CSGALNACT2: variants seen among roughly 807,000 people sequenced by gnomAD.
The protein encoded by CSGALNACT2 is beta 4 GalNAcT-2.
In CSGALNACT2, 35 loss-of-function variants were observed where a neutral mutation model predicts 55.3. The ratio of observed to expected loss-of-function variants is 0.63; its 90% CI spans 0.48 to 0.84. The LOEUF (loss-of-function observed/expected upper bound fraction) is 0.84. Ranked by LOEUF, CSGALNACT2 falls within the 40% of genes least tolerant of loss-of-function variation. The probability of loss-of-function intolerance (pLI) is 0.00; values close to 1 mark genes in which losing one functional copy is unlikely to be tolerated. For missense variants in CSGALNACT2, 544 were observed against 657.5 expected (o/e 0.83, Z 1.89); for synonymous variants, 196 against 224.9 (o/e 0.87, Z 1.15).
intron 3 of CSGALNACT2, among the ~76,000 whole-genome samples, 163 bp downstream of exon 3, chr10:43,159,094 GT>G (rs1390082848): frequency 2.0e-5 from 3 of 152,040 alleles, no homozygotes; most frequent in Non-Finnish European, 2.9e-5. Flanking sequence ...TAAAGCATGT[GT>G]AGTATATTGT....
In CSGALNACT2 at chr10:43,155,773, A is replaced by G. The variant is rs755803586; in HGVS notation, c.624A>G (p.Gly208=). The change falls in exon 2 of 8, where the codon GGA becomes GGG. Residue 208 remains glycine, a synonymous_variant. Coordinates refer to ENST00000374466, the MANE Select transcript of CSGALNACT2 (RefSeq NM_018590.5). The stretch of plus-strand genomic sequence containing the variant: ...AAGAAGATGAGGAGGGTCCCCTTGG[A>G]GAGAAACTGATATTTAATGAAAATG... ...DEQEDEEGPL[G]EKLIFNENDF... The G allele has an allele frequency of 1.2e-6, 2 of 1,611,374 alleles. No individual in the cohort carries two copies. Among genetic ancestry groups the G allele is most frequent in the Non-Finnish European group, 1.7e-6 (2 of 1,178,986 alleles).
intron 1 of CSGALNACT2, among the ~76,000 whole-genome samples, chr10:43,141,212 C>G (rs1838613186): frequency 6.6e-6 from 1 of 151,930 alleles, no homozygotes; most frequent in African/African-American, 2.4e-5. Context: ...GACCCTGTCT[C>G]TACAAATAAT....
Position 43,163,847 on chromosome 10 carries a change from G to A in CSGALNACT2, c.981-19G>A, listed in dbSNP as rs1184481822. 6.3e-7 allele frequency: 1 copy of A among 1,599,998 alleles called. No homozygotes were observed. The highest frequency in any genetic ancestry group is 1.1e-5 in the South Asian group (1 of 89,628). The stretch of plus-strand genomic sequence containing the variant: ...CTTTAAGTGGGACTTATCATTTGTT[G>A]TGTGTGCTTTCCTCATAGTGAGTCT... On this transcript the variant is annotated intron_variant, in intron 4 of 7. Transcript: ENST00000374466.
Position 43,158,803 on chromosome 10 carries a change from C to G in CSGALNACT2, c.750C>G (p.Leu250=), listed in dbSNP as rs755304072. Residue 250 remains leucine (L), a synonymous_variant, in exon 3 of 8, where the codon CTC becomes CTG. Coordinates refer to ENST00000374466, the MANE Select transcript of CSGALNACT2 (RefSeq NM_018590.5). ...ADLTEYRHVT[L]FRPFGPLMKV... is the part of the protein sequence containing the mutation. ...TTACGGAATATAGACATGTGACCCT[C>G]TTCCGCCCTTTTGGACCTCTCATGA... is the stretch of plus-strand genomic sequence containing the variant. 1.2e-6 allele frequency: 2 copies of G among 1,611,400 alleles called. No individual in the cohort carries two copies. Among genetic ancestry groups the G allele is most frequent in the Non-Finnish European group, 1.7e-6 (2 of 1,177,722 alleles).
At chr10:43,148,498 A>G (rs1413379734) in intron 1 of CSGALNACT2, among the ~76,000 whole-genome samples, 2 of 152,210 alleles carry the variant, frequency 1.3e-5, no homozygotes, top group Non-Finnish European at 2.9e-5. Flanking sequence ...CATTTTAGCA[A>G]TATTAAGCCT....
rs138077386 is a variant in CSGALNACT2 at position 43,183,538 on chromosome 10, G to A, written c.1625G>A (p.Gly542Asp). The A allele has an allele frequency of 1.8e-5, 29 of 1,613,024 alleles. 1 individual carries two copies. In the African/African-American group the frequency reaches 3.1e-4, roughly 17 times the overall value. Reference sequence around the variant, plus strand: ...TACAGGACAAACAGTGAAGCTGTTGGTTGAAATCATAATTAATGCGTTACT... The same window carrying A: ...TACAGGACAAACAGTGAAGCTGTTGATTGAAATCATAATTAATGCGTTACT... ...QAYRTNSEAVG is the reference protein window; with the variant it reads ...QAYRTNSEAVD Residue 542 changes from glycine to aspartate, a missense_variant, in exon 8 of 8, where the codon GGT (glycine) becomes GAT (aspartate). Around this residue, in one of 2 missense-constraint regions of CSGALNACT2, gnomAD observed 170 missense variants for 256.2 expected, o/e 0.66. Transcript: ENST00000374466.
chr10:43,163,375 A>C (rs1564516113), intron 4 of CSGALNACT2: 2 of 630,720 alleles, frequency 3.2e-6, no homozygotes, highest in East Asian at 2.8e-4. Context: ...GTCTAGCAAT[A>C]TGAAGGAAAA....
At chr10:43,153,110 G>A (rs1489121525) in intron 1 of CSGALNACT2, among the ~76,000 whole-genome samples, 1 of 151,966 alleles carries the variant, frequency 6.6e-6, no homozygotes, top group Non-Finnish European at 1.5e-5. Context: ...AGCACTTTGG[G>A]AGGCCGAGGC....
chr10:43,165,982 T>A (rs1839257520), intron 5 of CSGALNACT2, among the ~76,000 whole-genome samples: 1 of 152,112 alleles, frequency 6.6e-6, no homozygotes, highest in African/African-American at 2.4e-5. Flanking sequence ...AAAATAAAAA[T>A]AAAAATGTTT....
chr10:43,163,467 A>G, intron 4 of CSGALNACT2: 6 of 964,620 alleles, frequency 6.2e-6, no homozygotes, highest in Non-Finnish European at 7.4e-6. Context: ...CCCTCTGATA[A>G]GGCGACATGT....
chr10:43,178,439 G>A (rs981267116), intron 7 of CSGALNACT2, among the ~76,000 whole-genome samples: 14 of 152,054 alleles, frequency 9.2e-5, no homozygotes, highest in African/African-American at 3.1e-4. Context: ...TGGCTAACAA[G>A]GTAAAACCCT....
At chr10:43,165,699 G>A (rs936620615) in intron 5 of CSGALNACT2, among the ~76,000 whole-genome samples, 8 of 152,278 alleles carry the variant, frequency 5.3e-5, no homozygotes, top group Middle Eastern at 3.4e-3. Flanking sequence ...AGAATTAAAA[G>A]TATTAAAGAG....
chr10:43,141,868 A>G (rs1373254157), intron 1 of CSGALNACT2, among the ~76,000 whole-genome samples: 1 of 152,082 alleles, frequency 6.6e-6, no homozygotes, highest in Non-Finnish European at 1.5e-5. Flanking sequence ...ATATAGATCA[A>G]CCCTTCCCTC....
chr10:43,161,071 CAGT>C (rs1375206158), intron 4 of CSGALNACT2, among the ~76,000 whole-genome samples: 2 of 152,156 alleles, frequency 1.3e-5, no homozygotes, highest in Non-Finnish European at 2.9e-5. Context: ...CATCACGAGA[CAGT>C]AGTTCATAGC....
At chr10:43,159,001 A>G in intron 3 of CSGALNACT2, 70 bp downstream of exon 3, 1 of 861,666 alleles carries the variant, frequency 1.2e-6, no homozygotes, top group African/African-American at 1.7e-5. Flanking sequence ...AGATTTCCTT[A>G]ATTTATCTTC....
At chr10:43,153,556 A>G (rs1337826292) in intron 1 of CSGALNACT2, among the ~76,000 whole-genome samples, 2 of 151,918 alleles carry the variant, frequency 1.3e-5, no homozygotes, top group Admixed American at 6.6e-5. Flanking sequence ...AGGTTTTTCT[A>G]CTCATTAAAA....
In CSGALNACT2 at chr10:43,160,549, A is replaced by G. The variant is rs751108149; in HGVS notation, c.934A>G (p.Lys312Glu). 6.3e-7 allele frequency: 1 copy of G among 1,598,218 alleles called. No individual in the cohort carries two copies. Among genetic ancestry groups the G allele is most frequent in the Non-Finnish European group, 8.6e-7 (1 of 1,166,224 alleles). ...KIHLTVVYFG[K>E]EGLSKVKSIL... ...TCATCTCACAGTGGTGTATTTTGGTAAAGAAGGACTGTCTAAAGTCAAGTC... is the reference window on the plus strand; with the variant it reads ...TCATCTCACAGTGGTGTATTTTGGTGAAGAAGGACTGTCTAAAGTCAAGTC... The change falls in exon 4 of 8, where the codon AAA becomes GAA. Residue 312 changes from lysine (K) to glutamate (E), a missense_variant. By Grantham distance (56) the Lys-to-Glu change is moderately conservative. This residue lies in a region of CSGALNACT2 where 374 missense variants were observed against 401.3 expected (regional missense o/e 0.93). Transcript: ENST00000374466.
At chr10:43,181,184 T>A (rs1839582554) in intron 7 of CSGALNACT2, among the ~76,000 whole-genome samples, 1 of 152,212 alleles carries the variant, frequency 6.6e-6, no homozygotes, top group Non-Finnish European at 1.5e-5. Context: ...CCCCTGAGCC[T>A]CCAGCAATTT....
At chr10:43,152,182 T>G (rs1429027966) in intron 1 of CSGALNACT2, among the ~76,000 whole-genome samples, 3 of 152,196 alleles carry the variant, frequency 2.0e-5, no homozygotes, top group Non-Finnish European at 4.4e-5. Flanking sequence ...TTAGAAGGCT[T>G]GTTGGGATTA....
Sources: allele counts gnomAD v4.1 joint callset (sites outside exome capture counted in the v4.1 genomes callset), GRCh38; gene constraint gnomAD v4.1.1; regional missense constraint gnomAD v4.1.1; transcripts MANE v1.5; gene names NCBI Gene and HGNC (gene_info 2026-07-23, HGNC 2026-07-21).